The following MDGA2 variants were observed in gnomAD, a reference collection of about 807,000 sequenced individuals.
MDGA2 encodes the protein MAM domain containing glycosylphosphatidylinositol anchor 2, also known as MAM domain-containing glycosylphosphatidylinositol anchor protein 2.
A neutral mutation model predicts 117.8 loss-of-function variants in MDGA2; 40 were observed. That is an observed-to-expected ratio of 0.34 (90% CI 0.26 to 0.44). The LOEUF (loss-of-function observed/expected upper bound fraction) is 0.44, where lower values mean the gene tolerates loss of function less well. Among genes scored for constraint, MDGA2 ranks in the 20% least tolerant of loss-of-function variants. The probability of loss-of-function intolerance (pLI) is 1.00; values close to 1 mark genes in which losing one functional copy is unlikely to be tolerated. For synonymous variants in MDGA2, 452 were observed against 439.0 expected (o/e 1.03, Z -0.37); for missense variants, 1,123 against 1,250.6 (o/e 0.90, Z 1.54).
At chr14:47,019,410 T>C (rs1474264616) in intron 8 of MDGA2, among the ~76,000 whole-genome samples, 1 of 152,218 alleles carries the variant, frequency 6.6e-6, no homozygotes, top group Admixed American at 6.5e-5. Flanking sequence ...TTGTTGCTGT[T>C]GTTTTATTAG....
At chr14:47,086,016 T>C (rs1158149588) in intron 6 of MDGA2, among the ~76,000 whole-genome samples, 3 of 152,008 alleles carry the variant, frequency 2.0e-5, no homozygotes, top group Non-Finnish European at 4.4e-5. Context: ...ATAATTTACA[T>C]ACATTGAAAT....
At chr14:47,560,280 C>T (rs1314439508) in intron 1 of MDGA2, among the ~76,000 whole-genome samples, 1 of 151,702 alleles carries the variant, frequency 6.6e-6, no homozygotes, top group African/African-American at 2.4e-5. Context: ...ACCGTGTTAG[C>T]CAGGATGGTC....
At chr14:47,277,617 T>C (rs992369845) in intron 2 of MDGA2, among the ~76,000 whole-genome samples, 1 of 152,164 alleles carries the variant, frequency 6.6e-6, no homozygotes, top group Non-Finnish European at 1.5e-5. Context: ...TAATATTAAC[T>C]ATGAGAAATT....
In MDGA2 at chr14:47,206,933, C is replaced by T. The variant is rs1015787626; in HGVS notation, c.595+11088G>A. Among the ~76,000 whole-genome samples, 16 of 151,922 alleles carry T rather than the reference C, an allele frequency of 1.1e-4. 1 individual carries two copies. The highest frequency in any genetic ancestry group is 3.4e-4 in the African/African-American group (14 of 41,400). ...TAGATAGATGACTGACAGACCATTT[C>T]TTAGAAGTCAGAGATCATGAAAGTC... On this transcript the variant is annotated intron_variant, in intron 3 of 16. Transcript: ENST00000399232.
At chr14:47,639,858 C>A (rs1233429456) in intron 1 of MDGA2, among the ~76,000 whole-genome samples, 1 of 152,156 alleles carries the variant, frequency 6.6e-6, no homozygotes. Context: ...ATCTATATAG[C>A]TTAAACTCTC....
At chr14:47,004,777 T>G (rs1410808872) in intron 8 of MDGA2, among the ~76,000 whole-genome samples, 1 of 151,728 alleles carries the variant, frequency 6.6e-6, no homozygotes, top group Non-Finnish European at 1.5e-5. Flanking sequence ...TAGCTTTTAG[T>G]GTGCAGGTCT....
At chr14:46,895,770 C>T (rs937073822) in intron 10 of MDGA2, among the ~76,000 whole-genome samples, 3 of 151,756 alleles carry the variant, frequency 2.0e-5, no homozygotes, top group Non-Finnish European at 4.4e-5. Flanking sequence ...TTTCTATAAA[C>T]CTACAGGATA....
At chr14:47,320,444 A>G (rs1359298464) in intron 1 of MDGA2, among the ~76,000 whole-genome samples, 3 of 152,158 alleles carry the variant, frequency 2.0e-5, no homozygotes, top group Non-Finnish European at 4.4e-5. Flanking sequence ...CTCCCTGATT[A>G]TATGAGAATA....
Position 46,857,062 on chromosome 14 carries a change from A to G in MDGA2, c.2753-1908T>C, listed in dbSNP as rs1003027232. Among the ~76,000 whole-genome samples, 6 of 152,262 alleles carry G rather than the reference A, an allele frequency of 3.9e-5. No individual in the cohort carries two copies. The South Asian group carries it at 1.2e-3, about 32-fold the overall frequency. On this transcript the variant is annotated intron_variant, in intron 14 of 16. Transcript: ENST00000399232. ...ACATTATAATTCATTTATCTGCCCC[A>G]TTTCTTTACTCAAATATATCTTTTA...
chr14:47,071,386 T>C (rs1035618506), intron 6 of MDGA2, among the ~76,000 whole-genome samples: 1 of 152,204 alleles, frequency 6.6e-6, no homozygotes, highest in Non-Finnish European at 1.5e-5. Flanking sequence ...GGCAGGGTGC[T>C]GAGGTGTGAA....
chr14:47,097,671 A>T (rs1397870371), intron 5 of MDGA2, among the ~76,000 whole-genome samples: 1 of 152,002 alleles, frequency 6.6e-6, no homozygotes, highest in Non-Finnish European at 1.5e-5. Flanking sequence ...AAAAAAATAA[A>T]ATCATCTAAT....
intron 1 of MDGA2, among the ~76,000 whole-genome samples, chr14:47,588,838 C>A (rs1156637889): frequency 6.6e-6 from 1 of 151,842 alleles, no homozygotes. Flanking sequence ...CAGTTCTAGG[C>A]AAAATGGATC....
chr14:47,186,163 G>C (rs185718188), intron 3 of MDGA2, among the ~76,000 whole-genome samples: 4 of 151,490 alleles, frequency 2.6e-5, no homozygotes, highest in Non-Finnish European at 4.4e-5. Flanking sequence ...TGAAGTTCTT[G>C]AGAAAAATAT....
At chr14:47,265,770 T>C (rs1887945949) in intron 2 of MDGA2, among the ~76,000 whole-genome samples, 2 of 152,132 alleles carry the variant, frequency 1.3e-5, no homozygotes, top group African/African-American at 4.8e-5. Flanking sequence ...TATAATCTTA[T>C]CTCACATTAG....
chr14:46,944,520 C>T (rs1885104893), intron 9 of MDGA2, among the ~76,000 whole-genome samples: 1 of 151,894 alleles, frequency 6.6e-6, no homozygotes, highest in Non-Finnish European at 1.5e-5. Flanking sequence ...TGGAAAATTT[C>T]AGCCATTTTT....
At chr14:46,857,420 T>C (rs1446574431) in intron 14 of MDGA2, among the ~76,000 whole-genome samples, 2 of 152,186 alleles carry the variant, frequency 1.3e-5, no homozygotes, top group Non-Finnish European at 2.9e-5. Context: ...AGGTGTTCCA[T>C]TATCTTCTGC....
chr14:47,231,790 TTAAAA>T (rs1427765910), intron 2 of MDGA2, among the ~76,000 whole-genome samples: 5 of 149,820 alleles, frequency 3.3e-5, no homozygotes, highest in African/African-American at 7.3e-5. Context: ...AATTCAAAAG[TTAAAA>T]TAAAAAAGGT....
chr14:47,502,275 C>T (rs1050252442), intron 1 of MDGA2, among the ~76,000 whole-genome samples: 5 of 152,036 alleles, frequency 3.3e-5, no homozygotes, highest in East Asian at 3.9e-4. Context: ...GTTTGAGTTA[C>T]GATCATGTCA....
chr14:47,492,079 C>T (rs1030833624), intron 1 of MDGA2, among the ~76,000 whole-genome samples: 7 of 152,154 alleles, frequency 4.6e-5, no homozygotes, highest in African/African-American at 1.7e-4. Context: ...TCTCTTTGAA[C>T]CATGTAACAC....
Sources: gnomAD v4.1 joint callset for allele counts (sites outside exome capture counted in the v4.1 genomes callset) on GRCh38, gnomAD v4.1.1 for gene constraint, MANE v1.5 for transcripts, NCBI Gene and HGNC (gene_info 2026-07-23, HGNC 2026-07-21) for gene names.